The following SEC13 variants were observed in gnomAD, a reference collection of about 807,000 sequenced individuals.
SEC13 encodes the protein protein SEC13 homolog.
A neutral mutation model predicts 49.2 loss-of-function variants in SEC13; 25 were observed. That is an observed-to-expected ratio of 0.51 (90% CI 0.37 to 0.71). SEC13 has a LOEUF of 0.71. Ranked by LOEUF, SEC13 falls within the 30% of genes least tolerant of loss-of-function variation. The pLI is 0.00. For synonymous variants in SEC13, 148 were observed against 163.9 expected, an observed-to-expected ratio of 0.90 and a Z score of 0.74; for missense variants, 383 against 417.6, an observed-to-expected ratio of 0.92 and a Z score of 0.72.
chr3:10,301,892 A>T (rs1270238636), intron 8 of SEC13, among the ~76,000 whole-genome samples: 1 of 152,222 alleles, frequency 6.6e-6, no homozygotes, highest in Non-Finnish European at 1.5e-5. Flanking sequence ...TATAAGAAAT[A>T]GCTAAGAGCT....
chr3:10,305,167 G>C lies in SEC13; in HGVS notation c.585-11C>G. 1 of 1,603,548 alleles carries C rather than the reference G, an allele frequency of 6.2e-7. No individual in the cohort carries two copies. Among genetic ancestry groups the C allele is most frequent in the Non-Finnish European group, 8.5e-7 (1 of 1,173,980 alleles). On this transcript the variant is annotated splice_polypyrimidine_tract_variant and intron_variant, in intron 6 of 8. Transcript: ENST00000350697. ...CCGTCCTCCTCCTCCCTAACAGTGG[G>C]GACAGAAAGAGAATCAGCAGGGGGC...
At chr3:10,303,968 T>A (rs778960793) in intron 8 of SEC13, 58 bp downstream of exon 8, 1 of 1,590,426 alleles carries the variant, frequency 6.3e-7, no homozygotes, top group Admixed American at 1.7e-5. Flanking sequence ...CCCTCTCTAG[T>A]GGGCGGGGTG....
chr3:10,319,021 A>G (rs922580732), intron 1 of SEC13: 4 of 911,968 alleles, frequency 4.4e-6, no homozygotes, highest in Admixed American at 3.0e-5. Context: ...TGCTGAATGA[A>G]TAAGTAAATG....
intron 3 of SEC13, 99 bp downstream of exon 3, chr3:10,315,222 C>T (rs1701526253): frequency 2.3e-6 from 2 of 858,412 alleles, no homozygotes; most frequent in Admixed American, 4.4e-5. Context: ...TTTGGGGTTG[C>T]TCTGAATCTG....
chr3:10,303,999 AC>A (rs1700705419), intron 8 of SEC13, 26 bp downstream of exon 8: 1 of 1,612,726 alleles, frequency 6.2e-7, no homozygotes, highest in Admixed American at 1.7e-5. Context: ...GGCTGTGTCC[AC>A]CATGCCACGG....
At chr3:10,313,933 A>G (rs1437443076) in intron 3 of SEC13, 1 of 153,860 alleles carries the variant, frequency 6.5e-6, no homozygotes, top group Non-Finnish European at 1.4e-5. Flanking sequence ...CCATTTCCCC[A>G]AATGGACACT....
chr3:10,307,048 TAAC>T (rs1700920396), intron 5 of SEC13, among the ~76,000 whole-genome samples: 1 of 144,130 alleles, frequency 6.9e-6, no homozygotes, highest in Non-Finnish European at 1.5e-5. Flanking sequence ...TATTTATTAT[TAAC>T]AATTTTTTTT....
chr3:10,305,022 C>T lies in SEC13; in HGVS notation c.708+11G>A. 6.2e-7 allele frequency: 1 copy of T among 1,614,020 alleles called. No individual in the cohort carries two copies. Among genetic ancestry groups the T allele is most frequent in the Non-Finnish European group, 8.5e-7 (1 of 1,180,034 alleles). ...CTAAATGACAAGGGATACTCATGGC[C>T]CTGGGCTGACCTGGGAGCAGCTGGC... On this transcript the variant is annotated intron_variant, in intron 7 of 8. Transcript: ENST00000350697.
intron 8 of SEC13, among the ~76,000 whole-genome samples, chr3:10,302,245 A>AAAAC (rs1406645882): frequency 2.4e-4 from 36 of 152,320 alleles, no homozygotes; most frequent in South Asian, 4.1e-4. Context: ...CTCAAAAAAC[A>AAAAC]AAACAAAAAA....
chr3:10,320,018 AG>A (rs2059748840), intron 1 of SEC13, among the ~76,000 whole-genome samples: 1 of 150,554 alleles, frequency 6.6e-6, no homozygotes, highest in Non-Finnish European at 1.5e-5. Context: ...AGAGAGAGAG[AG>A]AGAGAGAGAA....
rs781750592 is a variant in SEC13 at position 10,315,376 on chromosome 3, C to T, written c.109G>A (p.Val37Ile). The T allele has an allele frequency of 1.7e-5, 27 of 1,609,818 alleles. No individual in the cohort carries two copies. Among genetic ancestry groups the T allele is most frequent in the Non-Finnish European group, 2.1e-5 (25 of 1,177,718 alleles). ...RLATCSSDRS[V>I]KIFDVRNGGQ... The stretch of plus-strand genomic sequence containing the variant: ...CCATTGCGCACATCAAAGATTTTGA[C>T]GGACCTGTCTGATGAGCAGGTTGCC... The change falls in exon 3 of 9, where the codon GTC becomes ATC. Residue 37 changes from valine (V) to isoleucine (I), a missense_variant. Coordinates refer to ENST00000350697, the MANE Select transcript of SEC13 (RefSeq NM_183352.3).
intron 7 of SEC13, 46 bp downstream of exon 7, chr3:10,304,987 T>C: frequency 6.2e-7 from 1 of 1,612,832 alleles, no homozygotes; most frequent in Non-Finnish European, 8.5e-7. Context: ...CTGATGGGCC[T>C]GACTCGAGAC....
intron 5 of SEC13, among the ~76,000 whole-genome samples, chr3:10,306,562 C>T (rs1042325607): frequency 6.6e-6 from 1 of 152,162 alleles, no homozygotes; most frequent in African/African-American, 2.4e-5. Context: ...AGGGACACTT[C>T]TTCTCATTAA....
chr3:10,320,773 T>C, intron 1 of SEC13: 1 of 1,317,292 alleles, frequency 7.6e-7, no homozygotes, highest in Non-Finnish European at 9.6e-7. Context: ...CTGTTCCTCG[T>C]TTTGTTTTCA....
At chr3:10,306,501 T>C (rs560039586) in intron 5 of SEC13, among the ~76,000 whole-genome samples, 5 of 152,356 alleles carry the variant, frequency 3.3e-5, no homozygotes, top group African/African-American at 9.6e-5. Context: ...AAAATGGTGA[T>C]ACTCTAATTC....
chr3:10,309,693 T>C (rs144423404), intron 5 of SEC13, among the ~76,000 whole-genome samples: 2 of 152,384 alleles, frequency 1.3e-5, no homozygotes, highest in Non-Finnish European at 2.9e-5. Flanking sequence ...CATGTCTTTC[T>C]AATGTGCTCT....
At position 10,320,436 on chromosome 3, in the gene SEC13, TAAAA is replaced by T. The variant is rs1190972230; in HGVS notation, c.3+610_3+613del. 3.7e-6 allele frequency: 3 copies of T among 819,264 alleles called. No homozygotes were observed. In the African/African-American group the frequency reaches 5.6e-5, roughly 15 times the overall value. The allele number at this position is 819,264 out of a possible 1,614,324, so 50.7% of individuals were successfully genotyped here. A position where few individuals can be genotyped will look rare whatever the true frequency, so the allele number is the denominator to read the frequency against. ...GTACACTGCAGATGCCACAGAGACT[TAAAA>T]AACCCTGAGCCCCTGCCTTCGGAGG... On this transcript the variant is annotated intron_variant, in intron 1 of 8. Transcript: ENST00000350697.
intron 5 of SEC13, among the ~76,000 whole-genome samples, chr3:10,309,233 G>A (rs567063457): frequency 2.2e-4 from 33 of 152,126 alleles, no homozygotes; most frequent in Admixed American, 2.0e-3. Flanking sequence ...CACTGCGCCC[G>A]GCTGATATTG....
At chr3:10,307,271 C>T (rs1396187916) in intron 5 of SEC13, among the ~76,000 whole-genome samples, 4 of 150,018 alleles carry the variant, frequency 2.7e-5, no homozygotes, top group Non-Finnish European at 5.9e-5. Flanking sequence ...TGCAGAGGCG[C>T]GATTTTGACT....
Sources: allele counts gnomAD v4.1 joint callset (sites outside exome capture counted in the v4.1 genomes callset), GRCh38; gene constraint gnomAD v4.1.1; transcripts MANE v1.5; gene names NCBI Gene and HGNC (gene_info 2026-07-23, HGNC 2026-07-21).